UPB1: variants seen among roughly 807,000 people sequenced by gnomAD.
The protein encoded by UPB1 is beta-ureidopropionase 1, also known as beta-ureidopropionase.
UPB1 carries 40 observed loss-of-function variants against 49.1 expected under a neutral mutation model. That is an observed-to-expected ratio of 0.81 (90% CI 0.63 to 1.06). UPB1 has a LOEUF of 1.06. Ranked by LOEUF, UPB1 falls within the 50% of genes least tolerant of loss-of-function variation. The pLI is 0.00. For missense variants in UPB1, 499 were observed against 505.9 expected, an observed-to-expected ratio of 0.99 and a Z score of 0.13; for synonymous variants, 207 against 198.2, an observed-to-expected ratio of 1.04 and a Z score of -0.38.
chr22:24,500,180 G>C lies in UPB1; in HGVS notation c.178G>C (p.Glu60Gln). ...CTTTGAACTGCAGGGATATGCCTTT[G>C]AAGCAGCGGAGGAGCAGCTGAGACG... is the stretch of plus-strand genomic sequence containing the variant. ...EDFELQGYAF[E>Q]AAEEQLRRPR... Residue 60 changes from glutamate (E) to glutamine (Q), a missense_variant, in exon 2 of 10, where the codon GAA (glutamate) becomes CAA (glutamine). Glu to Gln is a conservative substitution (Grantham distance 29). Coordinates refer to ENST00000326010, the MANE Select transcript of UPB1 (RefSeq NM_016327.3). The C allele has an allele frequency of 6.2e-7, 1 of 1,614,236 alleles. No individual in the cohort carries two copies. Among genetic ancestry groups the C allele is most frequent in the Non-Finnish European group, 8.5e-7 (1 of 1,180,036 alleles).
intron 3 of UPB1, among the ~76,000 whole-genome samples, chr22:24,509,390 A>AAAAAAAAAAAAAAAAC (rs2044153660): frequency 8.4e-6 from 1 of 119,288 alleles, no homozygotes; most frequent in African/African-American, 2.9e-5. Context: ...AAAAAAAAAA[A>AAAAAAAAAAAAAAAAC]AAAAAAGCAA....
At chr22:24,516,420 C>G (rs1304712487) in intron 6 of UPB1, 1 of 152,300 alleles carries the variant, frequency 6.6e-6, no homozygotes, top group Non-Finnish European at 1.5e-5. Flanking sequence ...CTCTCTTCCA[C>G]AAAGGCTGAG....
chr22:24,500,734 C>T (rs2043981033), intron 2 of UPB1, among the ~76,000 whole-genome samples: 1 of 152,298 alleles, frequency 6.6e-6, no homozygotes, highest in Non-Finnish European at 1.5e-5. Context: ...TACAGGATTA[C>T]GGGAATAGAT....
Position 24,521,953 on chromosome 22 carries a change from A to G in UPB1, c.874-33A>G, listed in dbSNP as rs755584328. The G allele has an allele frequency of 1.9e-6, 3 of 1,613,150 alleles. No homozygotes were observed. In the South Asian group the frequency reaches 3.3e-5, roughly 18 times the overall value. On this transcript the variant is annotated intron_variant, in intron 7 of 9. Coordinates refer to ENST00000326010, the MANE Select transcript of UPB1 (RefSeq NM_016327.3). ...AATGAGTGTAGTGGTAGTGCCACCTATAGGTTCCTCTTACCTTGGTCTTAT... is the reference window on the plus strand; with the variant it reads ...AATGAGTGTAGTGGTAGTGCCACCTGTAGGTTCCTCTTACCTTGGTCTTAT...
chr22:24,502,948 A>T (rs2147005377), intron 3 of UPB1: 1 of 176,314 alleles, frequency 5.7e-6, no homozygotes, highest in East Asian at 1.6e-4. Flanking sequence ...GGCTTAGAGT[A>T]CAATCACAGC....
intron 4 of UPB1, among the ~76,000 whole-genome samples, chr22:24,511,618 A>ATATATATT (rs1280628896): frequency 8.2e-6 from 1 of 122,568 alleles, no homozygotes; most frequent in African/African-American, 3.1e-5. Flanking sequence ...ATATATATAT[A>ATATATATT]TTTTTTTTTT....
rs1019345080 is a variant in UPB1 at position 24,502,214 on chromosome 22, G to A, written c.364+1G>A. ...ATCATCTGTTTCCAGGAAGCATGGA[G>A]TGAGTCTTTTTTATGGTGCTTTCTC... On this transcript the variant is annotated splice_donor_variant, in intron 3 of 9. Coordinates refer to ENST00000326010, the MANE Select transcript of UPB1 (RefSeq NM_016327.3). LOFTEE classifies it high-confidence loss of function. 5.0e-6 allele frequency: 8 copies of A among 1,613,986 alleles called. No homozygotes were observed. In the Admixed American group the frequency reaches 8.3e-5, roughly 17 times the overall value.
chr22:24,515,704 G>A (rs775538854), intron 6 of UPB1, among the ~76,000 whole-genome samples: 3 of 152,282 alleles, frequency 2.0e-5, no homozygotes, highest in East Asian at 1.9e-4. Context: ...GGCTGAGCTC[G>A]GTGGCTCACA....
At chr22:24,505,375 T>A (rs1761822791) in intron 3 of UPB1, among the ~76,000 whole-genome samples, 1 of 152,228 alleles carries the variant, frequency 6.6e-6, no homozygotes, top group African/African-American at 2.4e-5. Flanking sequence ...CCCACTGAGC[T>A]CCATTATAGG....
intron 5 of UPB1, among the ~76,000 whole-genome samples, chr22:24,514,586 C>G (rs1187645608): frequency 6.6e-6 from 1 of 152,106 alleles, no homozygotes; most frequent in African/African-American, 2.4e-5. Context: ...GCCCTGGCAC[C>G]CTTAGGAGCA....
In UPB1 at chr22:24,523,754, A is replaced by T; in HGVS notation, c.1052A>T (p.Asn351Ile). 1 of 1,614,258 alleles carries T rather than the reference A, an allele frequency of 6.2e-7. No individual in the cohort carries two copies. Among genetic ancestry groups the T allele is most frequent in the African/African-American group, 1.3e-5 (1 of 75,074 alleles). The change falls in exon 9 of 10, where the codon AAT becomes ATT. Residue 351 changes from asparagine to isoleucine, a missense_variant. Coordinates refer to ENST00000326010, the MANE Select transcript of UPB1 (RefSeq NM_016327.3). ...GACCTAAACCTCTGCCAGCAGGTGA[A>T]TGATGTCTGGAACTTCAAGGTAGGT... is the stretch of plus-strand genomic sequence containing the variant. ...KLDLNLCQQV[N>I]DVWNFKMTGR... is the part of the protein sequence containing the mutation.
chr22:24,500,567 G>C (rs2043977516), intron 2 of UPB1, among the ~76,000 whole-genome samples: 1 of 152,204 alleles, frequency 6.6e-6, no homozygotes, highest in African/African-American at 2.4e-5. Flanking sequence ...TGCCCTTTTG[G>C]CCTGCTCGTG....
At chr22:24,520,527 A>T in intron 7 of UPB1, 59 bp downstream of exon 7, 1 of 1,581,686 alleles carries the variant, frequency 6.3e-7, no homozygotes, top group East Asian at 2.3e-5. Flanking sequence ...TGGTGGGGAC[A>T]CCCCGTTCCC....
intron 1 of UPB1, among the ~76,000 whole-genome samples, chr22:24,496,392 C>T (rs896743857): frequency 3.5e-5 from 5 of 141,274 alleles, no homozygotes; most frequent in East Asian, 2.0e-4. Context: ...CACACACACA[C>T]ACACACACAC....
chr22:24,520,101 G>A, intron 6 of UPB1: 1 of 503,584 alleles, frequency 2.0e-6, no homozygotes, highest in South Asian at 2.1e-5. Flanking sequence ...TAATTCTTCT[G>A]ACAGAGCACA....
At chr22:24,524,056 G>A (rs997648201) in intron 9 of UPB1, among the ~76,000 whole-genome samples, 6 of 152,248 alleles carry the variant, frequency 3.9e-5, no homozygotes, top group African/African-American at 1.4e-4. Context: ...TTTGTCCAGA[G>A]AATAGAATGG....
chr22:24,502,110 C>T lies in UPB1; in HGVS notation c.277-16C>T. The T allele has an allele frequency of 6.2e-7, 1 of 1,613,918 alleles. No homozygotes were observed. Among genetic ancestry groups the T allele is most frequent in the Non-Finnish European group, 8.5e-7 (1 of 1,179,806 alleles). ...CAATAGAACTAAATGGATTCTAATC[C>T]TTTTTAAATTCTCAGGTCTCTGCCC... On this transcript the variant is annotated splice_polypyrimidine_tract_variant and intron_variant, in intron 2 of 9. Transcript: ENST00000326010.
At chr22:24,520,234 C>T in intron 6 of UPB1, 153 bp from the exon 7 acceptor site, 1 of 836,910 alleles carries the variant, frequency 1.2e-6, no homozygotes, top group Admixed American at 2.1e-5. Context: ...CTGGTTGTCC[C>T]CACCACTGGC....
At chr22:24,500,409 G>A (rs933381684) in intron 2 of UPB1, 131 bp downstream of exon 2, 21 of 1,234,108 alleles carry the variant, frequency 1.7e-5, no homozygotes, top group Middle Eastern at 2.7e-4. Context: ...TAGCAGAGGC[G>A]CTTCTGCCCT....
Sources: gnomAD v4.1 joint callset for allele counts (sites outside exome capture counted in the v4.1 genomes callset) on GRCh38, gnomAD v4.1.1 for gene constraint, MANE v1.5 for transcripts, NCBI Gene and HGNC (gene_info 2026-07-23, HGNC 2026-07-21) for gene names.